The following EPHA6 variants were observed in gnomAD, a reference collection of about 807,000 sequenced individuals.
EPHA6 encodes ephrin type-A receptor 6.
A neutral mutation model predicts 112.0 loss-of-function variants in EPHA6; 50 were observed. The observed-to-expected ratio is 0.45, with a 90% CI of 0.36 to 0.56. The LOEUF (loss-of-function observed/expected upper bound fraction) is 0.56. Among genes scored for constraint, EPHA6 ranks in the 20% least tolerant of loss-of-function variants. The probability of loss-of-function intolerance (pLI) is 0.00; values close to 1 mark genes in which losing one functional copy is unlikely to be tolerated. For synonymous variants in EPHA6, 529 were observed against 490.7 expected (o/e 1.08, Z -1.03); for missense variants, 1,280 against 1,417.4 (o/e 0.90, Z 1.56).
At chr3:97,403,532 C>T (rs949983480) in intron 5 of EPHA6, among the ~76,000 whole-genome samples, 2 of 152,118 alleles carry the variant, frequency 1.3e-5, no homozygotes, top group South Asian at 2.1e-4. Context: ...CTGCAAACTC[C>T]GCCTCCCGGG....
At chr3:97,587,650 T>A (rs778619891) in intron 11 of EPHA6, among the ~76,000 whole-genome samples, 4 of 152,206 alleles carry the variant, frequency 2.6e-5, no homozygotes, top group Non-Finnish European at 5.9e-5. Context: ...CTTTCAATAG[T>A]GCTCCTGGTG....
intron 3 of EPHA6, among the ~76,000 whole-genome samples, chr3:97,011,693 T>C (rs908902864): frequency 2.6e-5 from 4 of 152,220 alleles, no homozygotes; most frequent in Non-Finnish European, 5.9e-5. Flanking sequence ...TACATGCTGG[T>C]TTTGTGGGTA....
At chr3:96,899,798 C>A (rs940208297) in intron 2 of EPHA6, among the ~76,000 whole-genome samples, 3 of 152,058 alleles carry the variant, frequency 2.0e-5, no homozygotes, top group Admixed American at 6.6e-5. Flanking sequence ...CTGTTAAATA[C>A]AACACAGAGA....
intron 11 of EPHA6, among the ~76,000 whole-genome samples, chr3:97,558,140 C>T (rs1295264708): frequency 6.6e-6 from 1 of 151,984 alleles, no homozygotes; most frequent in African/African-American, 2.4e-5. Flanking sequence ...AACCTTTCTA[C>T]TGAAACATAG....
intron 10 of EPHA6, among the ~76,000 whole-genome samples, chr3:97,506,004 C>G (rs1017619243): frequency 9.9e-5 from 15 of 152,154 alleles, no homozygotes; most frequent in Non-Finnish European, 1.2e-4. Flanking sequence ...AGTGTCTGTT[C>G]ATATCCTTTG....
chr3:97,227,499 G>A (rs1479954641), intron 4 of EPHA6, among the ~76,000 whole-genome samples: 1 of 152,200 alleles, frequency 6.6e-6, no homozygotes, highest in Non-Finnish European at 1.5e-5. Context: ...GGGATTACAA[G>A]CATGAGCCAC....
At chr3:97,397,591 G>C (rs2086766565) in intron 5 of EPHA6, among the ~76,000 whole-genome samples, 2 of 151,498 alleles carry the variant, frequency 1.3e-5, no homozygotes, top group Non-Finnish European at 3.0e-5. Context: ...CATTTAAAGT[G>C]TGTGCTTAAT....
intron 3 of EPHA6, among the ~76,000 whole-genome samples, chr3:97,078,637 G>T (rs751617521): frequency 2.0e-4 from 30 of 152,112 alleles, no homozygotes; most frequent in South Asian, 4.1e-4. Flanking sequence ...CCCAGCACCA[G>T]TTATTAAATA....
At chr3:97,616,316 G>C (rs1371672934) in intron 13 of EPHA6, among the ~76,000 whole-genome samples, 3 of 152,162 alleles carry the variant, frequency 2.0e-5, no homozygotes, top group Non-Finnish European at 4.4e-5. Flanking sequence ...AGCCCACAAT[G>C]ATGAGAAAGA....
chr3:97,153,111 A>G (rs1488854039), intron 3 of EPHA6, among the ~76,000 whole-genome samples: 1 of 152,120 alleles, frequency 6.6e-6, no homozygotes, highest in Non-Finnish European at 1.5e-5. Flanking sequence ...AGTTTAATTA[A>G]TATATTGTAT....
chr3:97,085,148 CA>C (rs2046853419), intron 3 of EPHA6, among the ~76,000 whole-genome samples: 1 of 152,020 alleles, frequency 6.6e-6, no homozygotes, highest in South Asian at 2.1e-4. Context: ...TTAATATCAT[CA>C]ATTAAATAAA....
chr3:96,871,978 TC>T (rs995258892), intron 2 of EPHA6, among the ~76,000 whole-genome samples: 14 of 152,116 alleles, frequency 9.2e-5, no homozygotes, highest in African/African-American at 2.9e-4. Flanking sequence ...TGTGTTAAGT[TC>T]CTTGAAAGCA....
intron 2 of EPHA6, among the ~76,000 whole-genome samples, chr3:96,901,678 A>G (rs536919619): frequency 3.9e-5 from 6 of 152,288 alleles, no homozygotes; most frequent in East Asian, 1.9e-4. Flanking sequence ...AAAAAAGGAA[A>G]GAGGGATGTG....
intron 1 of EPHA6, among the ~76,000 whole-genome samples, chr3:96,847,686 GAATA>G (rs2035150582): frequency 6.6e-6 from 1 of 151,966 alleles, no homozygotes; most frequent in Non-Finnish European, 1.5e-5. Context: ...GCTAACTAGG[GAATA>G]AATTGTATGA....
Position 97,333,468 on chromosome 3 carries a change from C to CTTTTTTT in EPHA6, c.1607-71665_1607-71659dup, listed in dbSNP as rs869258362. On this transcript the variant is annotated intron_variant, in intron 5 of 17. Coordinates refer to ENST00000389672, the MANE Select transcript of EPHA6 (RefSeq NM_001080448.3). ...TTCCTTTACACTCTGTATGGCTTTT[C>CTTTTTTT]TTTTTTTTTTTTTTTTTTTTTTTGA... Among the ~76,000 whole-genome samples the CTTTTTTT allele has an allele frequency of 5.7e-3, 429 of 75,854 alleles. 27 individuals are homozygous for CTTTTTTT. The highest frequency in any genetic ancestry group is 0.02 in the African/African-American group (351 of 17,564). The allele number at this position is 75,854 out of a possible 152,430, so 49.8% of individuals were successfully genotyped here.
chr3:97,353,102 T>C (rs904346289), intron 5 of EPHA6, among the ~76,000 whole-genome samples: 1 of 151,962 alleles, frequency 6.6e-6, no homozygotes, highest in Non-Finnish European at 1.5e-5. Flanking sequence ...ATTCATCACC[T>C]GACTAAAGGG....
chr3:97,068,446 C>T (rs1345919155), intron 3 of EPHA6, among the ~76,000 whole-genome samples: 1 of 151,946 alleles, frequency 6.6e-6, no homozygotes, highest in African/African-American at 2.4e-5. Flanking sequence ...AAGCTGAAGG[C>T]CTGAAATATA....
At chr3:97,491,872 A>T (rs2091848015) in intron 10 of EPHA6, among the ~76,000 whole-genome samples, 4 of 152,008 alleles carry the variant, frequency 2.6e-5, no homozygotes, top group African/African-American at 9.7e-5. Context: ...TTGTAAGGCC[A>T]CTTGAGGTCT....
rs568835246 is a variant in EPHA6, at chr3:97,169,507, G to T, written c.1115-56757G>T. 2.4e-4 allele frequency among the ~76,000 whole-genome samples: 37 copies of T among 152,002 alleles called. 1 individual carries two copies. The South Asian group carries it at 7.3e-3, about 30-fold the overall frequency. ...TCCCTATCTAGTTAAACTATTATTA[G>T]TATCTTGTATGTATGATGTGGTTCC... On this transcript the variant is annotated intron_variant, in intron 3 of 17. Transcript: ENST00000389672.
Sources: allele counts gnomAD v4.1 joint callset (sites outside exome capture counted in the v4.1 genomes callset), GRCh38; gene constraint gnomAD v4.1.1; transcripts MANE v1.5; gene names NCBI Gene and HGNC (gene_info 2026-07-23, HGNC 2026-07-21).